Variants in NCKAP5 observed in about 807,000 individuals in gnomAD.
NCKAP5 encodes nck-associated protein 5.
A neutral mutation model predicts 167.0 loss-of-function variants in NCKAP5; 92 were observed. The observed-to-expected ratio is 0.55, with a 90% confidence interval of 0.47 to 0.66. The LOEUF is 0.66. Among genes scored for constraint, NCKAP5 ranks in the 30% least tolerant of loss-of-function variants. The pLI is 0.00. For missense variants in NCKAP5, 2,378 were observed against 2,315.0 expected, an observed-to-expected ratio of 1.03 and a Z score of -0.56; for synonymous variants, 891 against 877.4, an observed-to-expected ratio of 1.02 and a Z score of -0.27.
chr2:133,556,197 T>A (rs1238286375), intron 2 of NCKAP5, among the ~76,000 whole-genome samples: 1 of 152,228 alleles, frequency 6.6e-6, no homozygotes, highest in Non-Finnish European at 1.5e-5. Flanking sequence ...ATGGGTATAT[T>A]CAGTTTATAA....
intron 3 of NCKAP5, among the ~76,000 whole-genome samples, chr2:133,514,333 C>T (rs554036581): frequency 6.8e-4 from 103 of 152,306 alleles, no homozygotes; most frequent in Middle Eastern, 3.4e-3. Context: ...AGGGCACACA[C>T]ACATGGACAT....
At chr2:133,635,368 G>A in the NCKAP5 span, among the ~76,000 whole-genome samples, 1 of 152,098 alleles carries the variant, frequency 6.6e-6, no homozygotes, top group Non-Finnish European at 1.5e-5. Flanking sequence ...TATTCTACTT[G>A]AAAATGATGA....
chr2:133,547,002 C>T (rs150355934), intron 2 of NCKAP5, among the ~76,000 whole-genome samples: 23 of 152,196 alleles, frequency 1.5e-4, no homozygotes, highest in African/African-American at 4.3e-4. Flanking sequence ...AGACAGTGGG[C>T]GCAGGCCAGT....
intron 3 of NCKAP5, among the ~76,000 whole-genome samples, chr2:133,333,477 C>G (rs560580676): frequency 6.6e-6 from 1 of 152,092 alleles, no homozygotes; most frequent in African/African-American, 2.4e-5. Flanking sequence ...ATGGCCTTGA[C>G]GAGCTCAACA....
chr2:132,961,320 A>ATATG (rs1463163788), intron 8 of NCKAP5, among the ~76,000 whole-genome samples: 1 of 123,216 alleles, frequency 8.1e-6, no homozygotes, highest in African/African-American at 3.6e-5. Flanking sequence ...ATCTATATAT[A>ATATG]AGAAGATATA....
chr2:133,506,321 C>T (rs1221491345), intron 3 of NCKAP5, among the ~76,000 whole-genome samples: 1 of 152,216 alleles, frequency 6.6e-6, no homozygotes, highest in Non-Finnish European at 1.5e-5. Context: ...AGTGTTTTCT[C>T]AGCCCAGAAA....
At position 132,676,284 on chromosome 2, in the gene NCKAP5, T is replaced by C. The variant is rs910798558; in HGVS notation, c.5714-2979A>G. Among the ~76,000 whole-genome samples the C allele has an allele frequency of 1.1e-3, 27 of 25,358 alleles. 1 individual carries two copies. The highest frequency in any genetic ancestry group is 7.6e-5 in the Non-Finnish European group (1 of 13,136). 16.6% of individuals were successfully genotyped at this position (25,358 alleles called of 152,430 possible). On this transcript the variant is annotated intron_variant, in intron 19 of 19. Coordinates refer to ENST00000409261, the MANE Select transcript of NCKAP5 (RefSeq NM_207363.3). ...CTGAGCTAGGGATGTTGTTTTATCC[T>C]TTTTTTTTTTTTTTTTTTTTTTTTT...
chr2:132,718,381 C>G (rs148343148), intron 19 of NCKAP5, among the ~76,000 whole-genome samples: 1 of 152,138 alleles, frequency 6.6e-6, no homozygotes, highest in Non-Finnish European at 1.5e-5. Context: ...TCTTTCATAA[C>G]GGGTGTGATG....
intron 8 of NCKAP5, among the ~76,000 whole-genome samples, chr2:132,955,464 T>C (rs2076311333): frequency 1.3e-5 from 2 of 152,202 alleles, no homozygotes; most frequent in African/African-American, 2.4e-5. Context: ...ATCAGCTTCA[T>C]CCATCTCTGA....
chr2:132,817,885 A>G (rs1419832167), intron 11 of NCKAP5, among the ~76,000 whole-genome samples: 1 of 152,220 alleles, frequency 6.6e-6, no homozygotes, highest in Non-Finnish European at 1.5e-5. Context: ...ATGGTCGGGA[A>G]TGACATCAAA....
At chr2:132,716,312 C>A (rs1045515247) in intron 19 of NCKAP5, among the ~76,000 whole-genome samples, 1 of 152,188 alleles carries the variant, frequency 6.6e-6, no homozygotes, top group Non-Finnish European at 1.5e-5. Context: ...AATTCTGCTC[C>A]CCCAACATGA....
At chr2:132,738,292 C>CAGT (rs1691707718) in intron 16 of NCKAP5, among the ~76,000 whole-genome samples, 1 of 152,196 alleles carries the variant, frequency 6.6e-6, no homozygotes, top group African/African-American at 2.4e-5. Flanking sequence ...GGACAGCCAA[C>CAGT]AGTAGGCTGT....
At chr2:133,279,519 T>C (rs1001102658) in intron 4 of NCKAP5, among the ~76,000 whole-genome samples, 1 of 152,238 alleles carries the variant, frequency 6.6e-6, no homozygotes, top group Non-Finnish European at 1.5e-5. Context: ...TTAACCCAGA[T>C]TGTTGTCCAA....
the NCKAP5 span, among the ~76,000 whole-genome samples, chr2:133,674,278 C>T: frequency 6.8e-3 from 1,035 of 151,868 alleles, 11 homozygotes; most frequent in African/African-American, 0.024. Context: ...GCATAGTGTG[C>T]GGCTGGCTGC....
At chr2:133,602,372 G>C in the NCKAP5 span, among the ~76,000 whole-genome samples, 17 of 152,158 alleles carry the variant, frequency 1.1e-4, no homozygotes, top group Non-Finnish European at 2.9e-5. Flanking sequence ...GAGGACTTGT[G>C]GGGTGTAGAC....
At chr2:133,375,549 G>A (rs913769175) in intron 3 of NCKAP5, among the ~76,000 whole-genome samples, 2 of 152,160 alleles carry the variant, frequency 1.3e-5, no homozygotes, top group African/African-American at 4.8e-5. Flanking sequence ...CAGGTATTAA[G>A]CATAGTATCC....
intron 6 of NCKAP5, chr2:133,117,152 A>G (rs908627164): frequency 5.9e-5 from 9 of 152,222 alleles, no homozygotes; most frequent in African/African-American, 2.2e-4. Flanking sequence ...ATTAAATTAC[A>G]TGTAATATTA....
intron 5 of NCKAP5, among the ~76,000 whole-genome samples, chr2:133,162,917 TG>T (rs1211573345): frequency 6.6e-6 from 1 of 152,176 alleles, no homozygotes; most frequent in Non-Finnish European, 1.5e-5. Flanking sequence ...AATGCATTAT[TG>T]TGAAGGTTCA....
intron 16 of NCKAP5, among the ~76,000 whole-genome samples, chr2:132,744,292 AAAATTT>A (rs1038262352): frequency 1.6e-4 from 24 of 151,712 alleles, no homozygotes; most frequent in Admixed American, 3.3e-4. Context: ...GAAGTCTTAG[AAAATTT>A]AAAATCACCG....
Sources: gnomAD v4.1 joint callset for allele counts (sites outside exome capture counted in the v4.1 genomes callset) on GRCh38, gnomAD v4.1.1 for gene constraint, MANE v1.5 for transcripts, NCBI Gene and HGNC (gene_info 2026-07-23, HGNC 2026-07-21) for gene names.